Variants in MGAT4A observed in about 807,000 individuals in gnomAD.
The protein encoded by MGAT4A is N-acetylglucosaminyltransferase IVa.
MGAT4A carries 33 observed loss-of-function variants against 74.1 expected under a neutral mutation model. The observed-to-expected ratio is 0.45, with a 90% CI of 0.34 to 0.60. The LOEUF is 0.60. Ranked by LOEUF, MGAT4A falls within the 20% of genes least tolerant of loss-of-function variation. MGAT4A has a pLI of 0.02. For missense variants in MGAT4A, 479 were observed against 628.3 expected (o/e 0.76, Z 2.54); for synonymous variants, 198 against 210.4 (o/e 0.94, Z 0.51).
chr2:98,724,560 T>C (rs1317958980), intron 2 of MGAT4A, among the ~76,000 whole-genome samples: 1 of 152,228 alleles, frequency 6.6e-6, no homozygotes, highest in Non-Finnish European at 1.5e-5. Context: ...ATGATCAAAG[T>C]TAACAGACTG....
At chr2:98,627,398 TAG>T (rs1559153384) in intron 14 of MGAT4A, among the ~76,000 whole-genome samples, 1 of 151,932 alleles carries the variant, frequency 6.6e-6, no homozygotes, top group African/African-American at 2.4e-5. Flanking sequence ...TTCTTTGAGA[TAG>T]AGTCTCACTC....
At chr2:98,722,598 A>G (rs533609837) in intron 2 of MGAT4A, among the ~76,000 whole-genome samples, 1 of 152,316 alleles carries the variant, frequency 6.6e-6, no homozygotes, top group African/African-American at 2.4e-5. Flanking sequence ...TTGAGGTGAT[A>G]AAAATGCTCT....
rs1701129616 is a variant in MGAT4A at position 98,625,443 on chromosome 2, A to G, written c.*123T>C. 1.3e-6 allele frequency: 2 copies of G among 1,492,166 alleles called. No individual in the cohort carries two copies. Among genetic ancestry groups the G allele is most frequent in the Admixed American group, 2.8e-5 (1 of 35,390 alleles). 92.4% of individuals were successfully genotyped at this position (1,492,166 alleles called of 1,614,324 possible). ...ATTCACTTTCCAAGTGGAAATGACA[A>G]TCGTCTTATCTACAGTAGACTTCAC... On this transcript the variant is annotated 3_prime_UTR_variant, in exon 16 of 16. Transcript: ENST00000393487.
chr2:98,680,039 G>GATTTTT (rs1559167399), intron 2 of MGAT4A, among the ~76,000 whole-genome samples: 1 of 117,470 alleles, frequency 8.5e-6, no homozygotes, highest in Non-Finnish European at 2.0e-5. Flanking sequence ...CCTTAGAAAG[G>GATTTTT]CTTTTTTTTT....
chr2:98,636,598 G>A lies in MGAT4A; in HGVS notation c.1323-3C>T, dbSNP rs762135418. On this transcript the variant is annotated splice_polypyrimidine_tract_variant and splice_region_variant and intron_variant, in intron 12 of 15. Transcript: ENST00000393487. ...GGTTGCCGCTATGGAACAAATAACT[G>A]AAAATACAAACATCAAAATAAAAAC... 5 of 1,609,970 alleles carry A rather than the reference G, an allele frequency of 3.1e-6. No homozygotes were observed. Among genetic ancestry groups the A allele is most frequent in the Middle Eastern group, 3.3e-4 (2 of 6,048 alleles).
chr2:98,619,745 T>G lies in MGAT4A; in HGVS notation c.*5821A>C, dbSNP rs185047554. On this transcript the variant is annotated 3_prime_UTR_variant, in exon 16 of 16. Transcript: ENST00000393487. The stretch of plus-strand genomic sequence containing the variant: ...TAATGGAATGCTAATCAGGCAAAAG[T>G]ACCAAACCCTTGGTTCCAGGACAGT... 1 of 152,310 alleles carries G rather than the reference T, an allele frequency of 6.6e-6. No homozygotes were observed. The highest frequency in any genetic ancestry group is 1.9e-4 in the East Asian group (1 of 5,186). 9.4% of individuals were successfully genotyped at this position (152,310 alleles called of 1,614,324 possible).
intron 2 of MGAT4A, among the ~76,000 whole-genome samples, chr2:98,707,151 G>A (rs1702450873): frequency 6.6e-6 from 1 of 152,122 alleles, no homozygotes. Context: ...GGAGGCAGAG[G>A]TACAGTGAGC....
intron 9 of MGAT4A, among the ~76,000 whole-genome samples, chr2:98,644,275 C>T (rs975434219): frequency 1.1e-4 from 17 of 152,078 alleles, no homozygotes; most frequent in Admixed American, 5.2e-4. Flanking sequence ...AGTAAATTCC[C>T]GATGTTACTA....
chr2:98,728,491 T>C (rs1306495586), intron 1 of MGAT4A, among the ~76,000 whole-genome samples: 1 of 152,224 alleles, frequency 6.6e-6, no homozygotes, highest in Non-Finnish European at 1.5e-5. Flanking sequence ...CTCATGCCTG[T>C]AATCCTAGCA....
chr2:98,651,210 C>A (rs1447192055), intron 8 of MGAT4A, among the ~76,000 whole-genome samples: 1 of 152,146 alleles, frequency 6.6e-6, no homozygotes, highest in Non-Finnish European at 1.5e-5. Flanking sequence ...TAATAAAGCA[C>A]CATATAAAAA....
At chr2:98,631,735 T>C (rs1021434280) in intron 14 of MGAT4A, among the ~76,000 whole-genome samples, 12 of 152,138 alleles carry the variant, frequency 7.9e-5, no homozygotes. Flanking sequence ...AACCTGGCAC[T>C]CATTCTCCAA....
chr2:98,711,773 G>A (rs1212183364), intron 2 of MGAT4A, among the ~76,000 whole-genome samples: 3 of 152,024 alleles, frequency 2.0e-5, no homozygotes, highest in Admixed American at 1.3e-4. Flanking sequence ...CAGTAGCTGG[G>A]ACCACAGACA....
chr2:98,629,079 C>T (rs1019458995), intron 14 of MGAT4A, among the ~76,000 whole-genome samples: 1 of 151,730 alleles, frequency 6.6e-6, no homozygotes, highest in African/African-American at 2.4e-5. Flanking sequence ...CATTTAAAAA[C>T]AAAAAAAGAA....
rs144662967 is a variant in MGAT4A, at chr2:98,664,027, C to T, written c.404-848G>A. 5.1e-3 allele frequency among the ~76,000 whole-genome samples: 778 copies of T among 151,622 alleles called. 3 individuals carry two copies. Among genetic ancestry groups the T allele is most frequent in the African/African-American group, 0.018 (735 of 41,348 alleles). On this transcript the variant is annotated intron_variant, in intron 4 of 15. Transcript: ENST00000393487. ...TTTCAGACCAGCCTGGCCAACATGG[C>T]GAAACCCGGTCTCTACTAAAAATAC...
At chr2:98,659,967 A>G (rs1360469147) in intron 5 of MGAT4A, among the ~76,000 whole-genome samples, 2 of 112,570 alleles carry the variant, frequency 1.8e-5, no homozygotes, top group Non-Finnish European at 3.5e-5. Context: ...CTTGAGAAAA[A>G]CAAACAAAAA....
chr2:98,668,083 A>G (rs55859362), intron 4 of MGAT4A, among the ~76,000 whole-genome samples: 35,411 of 152,148 alleles, frequency 0.23, 4,765 homozygotes, highest in Non-Finnish European at 0.31. Context: ...CAATGTGATA[A>G]AAAAGAAAAT....
At chr2:98,688,063 T>G (rs1228414831) in intron 2 of MGAT4A, among the ~76,000 whole-genome samples, 1 of 152,148 alleles carries the variant, frequency 6.6e-6, no homozygotes, top group Admixed American at 6.5e-5. Flanking sequence ...GTTATCAAGA[T>G]TTTATCTTCC....
At chr2:98,650,761 A>T (rs1701564069) in intron 8 of MGAT4A, among the ~76,000 whole-genome samples, 1 of 152,096 alleles carries the variant, frequency 6.6e-6, no homozygotes, top group South Asian at 2.1e-4. Context: ...GACCAGCCTG[A>T]ACAACGCGGT....
At position 98,639,940 on chromosome 2, in the gene MGAT4A, G is replaced by C. The variant is rs745639138; in HGVS notation, c.1190C>G (p.Ser397Cys). The change falls in exon 12 of 16, where the codon TCT (serine) becomes TGT (cysteine). Residue 397 changes from serine (S) to cysteine (C), a missense_variant. By Grantham distance (112) the Ser-to-Cys change is moderately radical (BLOSUM62 -1). Transcript: ENST00000393487. ...KIHVNPPAEV[S>C]TSLKVYQGHT... ...CCCTTGGTAGACCTTCAAGGAAGTA[G>C]ATACCTCCGCAGGTGGGTTTACATG... 1 of 1,614,166 alleles carries C rather than the reference G, an allele frequency of 6.2e-7. No individual in the cohort carries two copies. Among genetic ancestry groups the C allele is most frequent in the Non-Finnish European group, 8.5e-7 (1 of 1,180,004 alleles).
Sources: gnomAD v4.1 joint callset for allele counts (sites outside exome capture counted in the v4.1 genomes callset) on GRCh38, gnomAD v4.1.1 for gene constraint, MANE v1.5 for transcripts, NCBI Gene and HGNC (gene_info 2026-07-23, HGNC 2026-07-21) for gene names.